Variants in MGAT4C observed in about 807,000 individuals in gnomAD.
The protein encoded by MGAT4C is MGAT4 family member C, also known as alpha-1,3-mannosyl-glycoprotein 4-beta-N-acetylglucosaminyltransferase C.
MGAT4C carries 19 observed loss-of-function variants against 40.1 expected under a neutral mutation model. The ratio of observed to expected loss-of-function variants is 0.47; its 90% CI spans 0.33 to 0.70. The LOEUF (loss-of-function observed/expected upper bound fraction) is 0.70. Ranked by LOEUF, MGAT4C falls within the 30% of genes least tolerant of loss-of-function variation. MGAT4C has a pLI of 0.02. For synonymous variants in MGAT4C, 181 were observed against 187.1 expected (o/e 0.97, Z 0.27); for missense variants, 491 against 563.2 (o/e 0.87, Z 1.30).
chr12:86,062,864 T>A (rs1427808492), intron 1 of MGAT4C, among the ~76,000 whole-genome samples: 4 of 151,978 alleles, frequency 2.6e-5, no homozygotes, highest in Non-Finnish European at 4.4e-5. Flanking sequence ...CGAAGAAATA[T>A]GGGACTAGGT....
At chr12:86,538,722 C>T (rs1306555720) in intron 2 of MGAT4C, among the ~76,000 whole-genome samples, 5 of 151,776 alleles carry the variant, frequency 3.3e-5, no homozygotes, top group African/African-American at 1.2e-4. Flanking sequence ...ATTCTCCTGC[C>T]TCAGCCTCCG....
intron 1 of MGAT4C, among the ~76,000 whole-genome samples, chr12:86,061,080 A>G (rs1893908784): frequency 6.6e-6 from 1 of 152,164 alleles, no homozygotes. Context: ...TGGTGGCTGA[A>G]TGGGAACAGC....
chr12:86,047,139 ATGTTT>A (rs1892475415), intron 2 of MGAT4C, among the ~76,000 whole-genome samples: 2 of 152,310 alleles, frequency 1.3e-5, no homozygotes, highest in South Asian at 4.1e-4. Context: ...TGAAAGCAAA[ATGTTT>A]AAGAACTGCT....
chr12:86,152,117 A>G (rs759786022), intron 1 of MGAT4C, among the ~76,000 whole-genome samples: 13 of 152,220 alleles, frequency 8.5e-5, no homozygotes. Flanking sequence ...GTGTCACTTG[A>G]CAGATGGGGC....
intron 2 of MGAT4C, among the ~76,000 whole-genome samples, chr12:86,502,893 TATATATATATATATGAGTTCTGCTC>T (rs1184724654): frequency 0.08 from 3,074 of 38,658 alleles, 926 homozygotes; most frequent in Middle Eastern, 0.24. Context: ...GTTCTGCTCA[TATATATATATATATGAGTTCTGCTC>T]ATATATATAT....
At chr12:86,777,640 C>T (rs1227313880) in intron 1 of MGAT4C, among the ~76,000 whole-genome samples, 1 of 152,164 alleles carries the variant, frequency 6.6e-6, no homozygotes, top group East Asian at 1.9e-4. Context: ...AACTAGAGAG[C>T]TGAGATAGAG....
At chr12:86,815,740 A>C (rs1377803426) in intron 1 of MGAT4C, among the ~76,000 whole-genome samples, 1 of 151,686 alleles carries the variant, frequency 6.6e-6, no homozygotes, top group Non-Finnish European at 1.5e-5. Flanking sequence ...CTATTACTCT[A>C]AGTTAAGTAA....
intron 2 of MGAT4C, among the ~76,000 whole-genome samples, chr12:86,617,757 T>G (rs1490194564): frequency 6.7e-6 from 1 of 149,978 alleles, no homozygotes; most frequent in Non-Finnish European, 1.5e-5. Flanking sequence ...GGGGAAATGC[T>G]CCAGTACTTT....
chr12:86,775,405 A>C (rs1951732655), intron 1 of MGAT4C, among the ~76,000 whole-genome samples: 1 of 150,546 alleles, frequency 6.6e-6, no homozygotes, highest in Non-Finnish European at 1.5e-5. Context: ...GATCTAATAT[A>C]TAATTAAAAT....
chr12:86,505,256 G>C (rs1055211892), intron 2 of MGAT4C, among the ~76,000 whole-genome samples: 2 of 152,000 alleles, frequency 1.3e-5, no homozygotes, highest in Non-Finnish European at 2.9e-5. Flanking sequence ...AATGCAAGCA[G>C]ATACAAGCCA....
chr12:86,728,272 C>T (rs989727567), intron 1 of MGAT4C, among the ~76,000 whole-genome samples: 1 of 152,150 alleles, frequency 6.6e-6, no homozygotes, highest in Non-Finnish European at 1.5e-5. Context: ...CATTTTAATT[C>T]TACCTTGTGG....
intron 4 of MGAT4C, among the ~76,000 whole-genome samples, chr12:86,262,043 C>A (rs548569400): frequency 6.6e-6 from 1 of 152,186 alleles, no homozygotes; most frequent in East Asian, 1.9e-4. Context: ...TATTAGAACA[C>A]TAGGCATAAA....
At chr12:86,148,328 G>A (rs1883828287) in intron 1 of MGAT4C, among the ~76,000 whole-genome samples, 1 of 152,138 alleles carries the variant, frequency 6.6e-6, no homozygotes, top group African/African-American at 2.4e-5. Context: ...TTGTACCCCT[G>A]AACTTAAAAT....
intron 2 of MGAT4C, among the ~76,000 whole-genome samples, chr12:86,697,095 G>A (rs552141121): frequency 1.3e-5 from 2 of 152,166 alleles, no homozygotes; most frequent in East Asian, 1.9e-4. Flanking sequence ...ATTTCCTTTG[G>A]TTGTCAATTC....
rs149811181 is a variant in MGAT4C at position 86,734,025 on chromosome 12, C to T, written c.-261-6784G>A. On this transcript the variant is annotated intron_variant, in intron 1 of 7. Transcript: ENST00000548651. ...CGTGGTCAATTCTGTAAAATACTGC[C>T]GACAGCTAAGGTAGGATGGGAATAT... Among the ~76,000 whole-genome samples, 82 of 152,066 alleles carry T rather than the reference C, an allele frequency of 5.4e-4. No homozygotes were observed. In the East Asian group the frequency reaches 0.011, roughly 21 times the overall value.
intron 2 of MGAT4C, among the ~76,000 whole-genome samples, chr12:86,663,890 T>C (rs1038030512): frequency 6.6e-6 from 1 of 152,216 alleles, no homozygotes; most frequent in African/African-American, 2.4e-5. Flanking sequence ...CAAAGAATTC[T>C]TGGATTTCTG....
chr12:86,081,404 C>A (rs1870812055), intron 1 of MGAT4C, among the ~76,000 whole-genome samples: 1 of 152,098 alleles, frequency 6.6e-6, no homozygotes, highest in Admixed American at 6.6e-5. Context: ...AAATTAGGGA[C>A]CTCATTTTAA....
chr12:86,450,109 T>C (rs746951480), intron 2 of MGAT4C, among the ~76,000 whole-genome samples: 4 of 152,262 alleles, frequency 2.6e-5, no homozygotes, highest in Middle Eastern at 3.4e-3. Context: ...TATTCATATG[T>C]TCAGCGTTAG....
intron 1 of MGAT4C, among the ~76,000 whole-genome samples, chr12:86,107,087 A>T (rs1360391022): frequency 6.6e-6 from 1 of 151,832 alleles, no homozygotes; most frequent in Non-Finnish European, 1.5e-5. Context: ...TGAAAAAGCT[A>T]AAAAAAAGCT....
Sources: allele counts gnomAD v4.1 joint callset (sites outside exome capture counted in the v4.1 genomes callset), GRCh38; gene constraint gnomAD v4.1.1; transcripts MANE v1.5; gene names NCBI Gene and HGNC (gene_info 2026-07-23, HGNC 2026-07-21).